SUGCT: variants seen among roughly 807,000 people sequenced by gnomAD.
SUGCT encodes the protein succinyl-CoA:glutarate CoA-transferase.
In SUGCT, 41 loss-of-function variants were observed where a neutral mutation model predicts 55.0. The observed-to-expected ratio is 0.74, with a 90% CI of 0.58 to 0.97. The LOEUF (loss-of-function observed/expected upper bound fraction) is 0.97, where lower values mean the gene tolerates loss of function less well. Ranked by LOEUF, SUGCT falls within the 50% of genes least tolerant of loss-of-function variation. The pLI, the probability that SUGCT is intolerant of heterozygous loss-of-function variation, is 0.00. For missense variants in SUGCT, 568 were observed against 547.8 expected (o/e 1.04, Z -0.37); for synonymous variants, 187 against 200.4 (o/e 0.93, Z 0.56).
intron 9 of SUGCT, among the ~76,000 whole-genome samples, chr7:40,327,782 T>C (rs1796093073): frequency 6.6e-6 from 1 of 152,238 alleles, no homozygotes; most frequent in African/African-American, 2.4e-5. Context: ...TATTCAGTCA[T>C]TAGTTCTAGT....
chr7:40,964,765 T>A, the SUGCT span: 3 of 152,228 alleles, frequency 2.0e-5, no homozygotes, highest in Non-Finnish European at 4.4e-5. Context: ...AGCCTAACTC[T>A]GTGGGGTGTT....
intron 12 of SUGCT, among the ~76,000 whole-genome samples, chr7:40,582,755 A>G (rs924274066): frequency 6.6e-6 from 1 of 152,206 alleles, no homozygotes; most frequent in African/African-American, 2.4e-5. Flanking sequence ...TACATTAAGG[A>G]AACTCTTCGT....
chr7:40,772,542 C>CTATCTGG (rs1789188681), intron 13 of SUGCT, among the ~76,000 whole-genome samples: 1 of 149,666 alleles, frequency 6.7e-6, no homozygotes, highest in African/African-American at 2.5e-5. Flanking sequence ...ATCTATCTAT[C>CTATCTGG]TATCTATCTA....
chr7:40,331,728 A>G (rs935020679), intron 9 of SUGCT, among the ~76,000 whole-genome samples: 1 of 152,136 alleles, frequency 6.6e-6, no homozygotes, highest in East Asian at 1.9e-4. Context: ...TGCCTGGCCA[A>G]TGTGTTCATG....
intron 12 of SUGCT, among the ~76,000 whole-genome samples, chr7:40,667,575 G>A (rs1228523128): frequency 6.9e-6 from 1 of 143,982 alleles, no homozygotes; most frequent in Non-Finnish European, 1.5e-5. Context: ...ATCTGGCCCA[G>A]GGCTTTTTTT....
chr7:40,947,232 A>G, the SUGCT span, among the ~76,000 whole-genome samples: 12 of 152,262 alleles, frequency 7.9e-5, no homozygotes, highest in African/African-American at 2.9e-4. Flanking sequence ...CTGTTGTGCC[A>G]TTCTAGTAAA....
chr7:41,010,524 A>G, the SUGCT span, among the ~76,000 whole-genome samples: 7,990 of 152,270 alleles, frequency 0.052, 282 homozygotes, highest in Middle Eastern at 0.088. Flanking sequence ...GGAAATTGAG[A>G]AACTGGTTCT....
At chr7:40,733,204 C>T (rs1375284492) in intron 12 of SUGCT, among the ~76,000 whole-genome samples, 1 of 152,184 alleles carries the variant, frequency 6.6e-6, no homozygotes. Context: ...TCCATCTCTA[C>T]CCCTCTGCCC....
At chr7:40,504,678 C>T (rs1410848503) in intron 12 of SUGCT, among the ~76,000 whole-genome samples, 2 of 152,164 alleles carry the variant, frequency 1.3e-5, no homozygotes, top group Non-Finnish European at 2.9e-5. Flanking sequence ...AAATGATCCG[C>T]ACACCTTAGC....
chr7:40,993,564 A>G, the SUGCT span, among the ~76,000 whole-genome samples: 24 of 152,234 alleles, frequency 1.6e-4, no homozygotes, highest in African/African-American at 5.5e-4. Context: ...CACAGGAAGC[A>G]GCTTCATCTG....
intron 12 of SUGCT, among the ~76,000 whole-genome samples, chr7:40,560,040 G>A (rs1401117530): frequency 6.6e-6 from 1 of 152,158 alleles, no homozygotes; most frequent in Non-Finnish European, 1.5e-5. Flanking sequence ...TAGGCAAAAG[G>A]GTAGTTTGCT....
In SUGCT at chr7:40,166,812, A is replaced by C. The variant is rs188744827; in HGVS notation, c.101-14135A>C. 1.0e-3 allele frequency among the ~76,000 whole-genome samples: 156 copies of C among 151,042 alleles called. 1 individual carries two copies. The highest frequency in any genetic ancestry group is 3.6e-3 in the African/African-American group (148 of 41,144). ...TGAGGCAGAAGAATTGCTTGAACCCAGGAGGTGGAGGTTGCAGTGAGCCGA... is the reference window on the plus strand; with the variant it reads ...TGAGGCAGAAGAATTGCTTGAACCCCGGAGGTGGAGGTTGCAGTGAGCCGA... On this transcript the variant is annotated intron_variant, in intron 1 of 13. Transcript: ENST00000335693.
intron 9 of SUGCT, among the ~76,000 whole-genome samples, chr7:40,445,157 C>A (rs1035949617): frequency 9.9e-5 from 15 of 151,834 alleles, no homozygotes; most frequent in African/African-American, 3.6e-4. Context: ...CAGAGCAGAA[C>A]TGAAGGAGAT....
At chr7:40,738,985 C>T (rs1424705417) in intron 12 of SUGCT, among the ~76,000 whole-genome samples, 1 of 151,892 alleles carries the variant, frequency 6.6e-6, no homozygotes, top group African/African-American at 2.4e-5. Flanking sequence ...AAATTGAGTC[C>T]CCTCTCACAT....
At chr7:40,536,589 G>A (rs776726663) in intron 12 of SUGCT, among the ~76,000 whole-genome samples, 2 of 152,184 alleles carry the variant, frequency 1.3e-5, no homozygotes, top group Admixed American at 6.5e-5. Flanking sequence ...GCTGTGTGGC[G>A]TTGAGTCCCA....
intron 6 of SUGCT, among the ~76,000 whole-genome samples, chr7:40,215,856 C>T (rs540689516): frequency 2.4e-3 from 362 of 147,790 alleles, no homozygotes; most frequent in Middle Eastern, 0.018. Context: ...AGCAAGACTC[C>T]GTCTCAAAAA....
intron 9 of SUGCT, among the ~76,000 whole-genome samples, chr7:40,321,483 A>G (rs1008281874): frequency 9.9e-5 from 15 of 152,022 alleles, no homozygotes; most frequent in African/African-American, 3.6e-4. Flanking sequence ...ACCGAGTTCA[A>G]GTGATTGTCC....
chr7:40,820,106 C>G (rs535382500), intron 13 of SUGCT, among the ~76,000 whole-genome samples: 43 of 152,278 alleles, frequency 2.8e-4, no homozygotes, highest in Non-Finnish European at 2.9e-5. Flanking sequence ...CTGTTCTGTT[C>G]TGTTCCATTG....
At chr7:40,657,366 C>T (rs996951821) in intron 12 of SUGCT, among the ~76,000 whole-genome samples, 6 of 152,050 alleles carry the variant, frequency 3.9e-5, no homozygotes, top group African/African-American at 1.2e-4. Flanking sequence ...TTGAGATTGA[C>T]AATAATGTCA....
Sources: gnomAD v4.1 joint callset for allele counts (sites outside exome capture counted in the v4.1 genomes callset) on GRCh38, gnomAD v4.1.1 for gene constraint, MANE v1.5 for transcripts, NCBI Gene and HGNC (gene_info 2026-07-23, HGNC 2026-07-21) for gene names.